Variants in MAL2 observed in about 807,000 individuals in gnomAD.
MAL2 encodes the protein protein MAL2.
A neutral mutation model predicts 18.1 loss-of-function variants in MAL2; 17 were observed. That is an observed-to-expected ratio of 0.94 (90% CI 0.64 to 1.41). The LOEUF is 1.41. Ranked by LOEUF, MAL2 falls within the 40% of genes most tolerant of loss-of-function variation. The pLI is 0.00. For missense variants in MAL2, 222 were observed against 231.9 expected, an observed-to-expected ratio of 0.96 and a Z score of 0.28; for synonymous variants, 102 against 102.3, an observed-to-expected ratio of 1.00 and a Z score of 0.02.
At chr8:119,242,920 G>C (rs1205365052) in intron 3 of MAL2, among the ~76,000 whole-genome samples, 1 of 152,196 alleles carries the variant, frequency 6.6e-6, no homozygotes, top group Non-Finnish European at 1.5e-5. Flanking sequence ...ACACAGGACT[G>C]TCTCCCATAC....
intron 2 of MAL2, among the ~76,000 whole-genome samples, chr8:119,224,972 A>C (rs1478456419): frequency 6.6e-6 from 1 of 152,090 alleles, no homozygotes; most frequent in African/African-American, 2.4e-5. Context: ...ATTTTTACAA[A>C]TGAGAAAACT....
chr8:119,232,220 C>T (rs925881416), intron 2 of MAL2, among the ~76,000 whole-genome samples: 10 of 150,522 alleles, frequency 6.6e-5, no homozygotes, highest in African/African-American at 2.5e-4. Context: ...GTATTTTTCT[C>T]AATTAAAATA....
In MAL2 at chr8:119,244,730, CAGACAAA is replaced by C. The variant is rs1169000355; in HGVS notation, c.*1244_*1250del. On this transcript the variant is annotated 3_prime_UTR_variant, in exon 4 of 4. Transcript: ENST00000614891. The stretch of plus-strand genomic sequence containing the variant: ...ATCTGTAATGTTTTTGCACTGGTGA[CAGACAAA>C]ATCTGTTTTAAAATCATATCCAGCA... 2.0e-5 allele frequency: 3 copies of C among 152,168 alleles called. No homozygotes were observed. Among genetic ancestry groups the C allele is most frequent in the Non-Finnish European group, 4.4e-5 (3 of 68,032 alleles). The allele number at this position is 152,168 out of a possible 1,614,324, so 9.4% of individuals were successfully genotyped here. A position where few individuals can be genotyped will look rare whatever the true frequency, so the allele number is the denominator to read the frequency against.
Position 119,243,734 on chromosome 8 carries a change from T to G in MAL2, c.*246T>G. The G allele has an allele frequency of 2.9e-6, 1 of 343,906 alleles. No individual in the cohort carries two copies. Among genetic ancestry groups the G allele is most frequent in the East Asian group, 4.4e-5 (1 of 22,762 alleles). The allele number at this position is 343,906 out of a possible 1,614,324, so 21.3% of individuals were successfully genotyped here. ...TCCCTTTCCCCCTTTATTTTCCTCC[T>G]TTTCTTTCTGAAAGTTTCCTTTTAT... On this transcript the variant is annotated 3_prime_UTR_variant, in exon 4 of 4. Transcript: ENST00000614891.
At chr8:119,210,357 G>T (rs766918612) in intron 1 of MAL2, among the ~76,000 whole-genome samples, 1 of 152,006 alleles carries the variant, frequency 6.6e-6, no homozygotes, top group Non-Finnish European at 1.5e-5. Flanking sequence ...AGGAAACAAG[G>T]CCTAATTCTG....
chr8:119,223,541 G>A (rs1563771520), intron 2 of MAL2, among the ~76,000 whole-genome samples: 1 of 151,874 alleles, frequency 6.6e-6, no homozygotes, highest in Non-Finnish European at 1.5e-5. Context: ...TGTTTTAATT[G>A]TGCTACTCTA....
Position 119,243,481 on chromosome 8 carries a change from G to A in MAL2, c.524G>A (p.Arg175Gln), listed in dbSNP as rs773576528. The A allele has an allele frequency of 1.9e-5, 30 of 1,596,542 alleles. No homozygotes were observed. In the Admixed American group the frequency reaches 2.4e-4, roughly 13 times the overall value. ...CSLGLALRRW[R>Q]P is the part of the protein sequence containing the mutation. ...TTGGGTCTGGCTTTACGAAGATGGC[G>A]ACCGTAACACTCCTTAGAAACTGGC... is the stretch of plus-strand genomic sequence containing the variant. The change falls in exon 4 of 4, where the codon CGA becomes CAA. Residue 175 changes from arginine (R) to glutamine (Q), a missense_variant. Physicochemically the swap from Arg to Gln is conservative, Grantham distance 43 (BLOSUM62 1). Transcript: ENST00000614891.
At chr8:119,229,579 T>G (rs1173901195) in intron 2 of MAL2, among the ~76,000 whole-genome samples, 1 of 152,152 alleles carries the variant, frequency 6.6e-6, no homozygotes, top group Non-Finnish European at 1.5e-5. Flanking sequence ...CCCAAAGTGC[T>G]GGGATTACAG....
chr8:119,242,585 A>G (rs1818068111), intron 3 of MAL2, among the ~76,000 whole-genome samples: 1 of 152,222 alleles, frequency 6.6e-6, no homozygotes, highest in Non-Finnish European at 1.5e-5. Flanking sequence ...TGTCTAGATT[A>G]GAAATGTATC....
At chr8:119,234,349 G>A (rs971456632) in intron 2 of MAL2, among the ~76,000 whole-genome samples, 5 of 152,170 alleles carry the variant, frequency 3.3e-5, no homozygotes, top group African/African-American at 9.7e-5. Flanking sequence ...AGCAGTCTGA[G>A]ATCAAACTGC....
intron 2 of MAL2, among the ~76,000 whole-genome samples, chr8:119,231,021 AGTTT>A (rs1414881059): frequency 4.1e-5 from 6 of 145,650 alleles, no homozygotes; most frequent in Admixed American, 2.0e-4. Flanking sequence ...ATGTGAGAAC[AGTTT>A]TTTTTTTTAT....
At chr8:119,233,415 T>C (rs1033387105) in intron 2 of MAL2, among the ~76,000 whole-genome samples, 4 of 151,944 alleles carry the variant, frequency 2.6e-5, no homozygotes, top group Non-Finnish European at 4.4e-5. Context: ...ATCAACAAAA[T>C]TGATAGACTG....
In MAL2 at chr8:119,216,099, G is replaced by A. The variant is rs190557911; in HGVS notation, c.133-5488G>A. Among the ~76,000 whole-genome samples the A allele has an allele frequency of 9.8e-4, 149 of 152,042 alleles. 1 individual carries two copies. Among genetic ancestry groups the A allele is most frequent in the Non-Finnish European group, 1.6e-3 (109 of 67,996 alleles). ...CCATAAGTAAACATCCATTAAAATA[G>A]AAGGGGTTACAAGTAGATAAAGTGT... On this transcript the variant is annotated intron_variant, in intron 1 of 3. Transcript: ENST00000614891.
intron 3 of MAL2, among the ~76,000 whole-genome samples, chr8:119,241,136 A>C (rs1393732981): frequency 6.6e-6 from 1 of 152,216 alleles, no homozygotes; most frequent in Non-Finnish European, 1.5e-5. Flanking sequence ...TGTCTGGAGC[A>C]GCACTGTCTA....
chr8:119,216,725 C>A (rs940280337), intron 1 of MAL2, among the ~76,000 whole-genome samples: 1 of 152,162 alleles, frequency 6.6e-6, no homozygotes, highest in African/African-American at 2.4e-5. Context: ...ACGGAAAGTT[C>A]TAAATAGTGT....
rs1450117673 is a variant in MAL2, at chr8:119,243,578, A to G, written c.*90A>G. 3.0e-5 allele frequency: 34 copies of G among 1,151,268 alleles called. No homozygotes were observed. The highest frequency in any genetic ancestry group is 3.7e-5 in the Non-Finnish European group (31 of 833,570). The allele number at this position is 1,151,268 out of a possible 1,614,324, so 71.3% of individuals were successfully genotyped here. On this transcript the variant is annotated 3_prime_UTR_variant, in exon 4 of 4. Coordinates refer to ENST00000614891, the MANE Select transcript of MAL2 (RefSeq NM_052886.3). ...TGGATACCATTTTGTCCAGATGCAAAAACATTCCAAAAGTAATGTGTTTAG... is the reference window on the plus strand; with the variant it reads ...TGGATACCATTTTGTCCAGATGCAAGAACATTCCAAAAGTAATGTGTTTAG...
At chr8:119,210,401 C>T (rs962661247) in intron 1 of MAL2, among the ~76,000 whole-genome samples, 9 of 151,996 alleles carry the variant, frequency 5.9e-5, no homozygotes, top group Non-Finnish European at 1.2e-4. Flanking sequence ...TAGTCAATTT[C>T]CCCCTCCCCC....
At chr8:119,237,129 A>G (rs1817922412) in intron 2 of MAL2, among the ~76,000 whole-genome samples, 1 of 152,220 alleles carries the variant, frequency 6.6e-6, no homozygotes, top group Non-Finnish European at 1.5e-5. Flanking sequence ...CCACAGAAAT[A>G]CAAACTGCCA....
intron 1 of MAL2, 165 bp from the exon 2 acceptor site, chr8:119,221,422 C>A: frequency 2.7e-6 from 2 of 738,004 alleles, no homozygotes; most frequent in Non-Finnish European, 4.5e-6. Flanking sequence ...GGAAAGAAGG[C>A]ATCTTACATA....
Sources: allele counts gnomAD v4.1 joint callset (sites outside exome capture counted in the v4.1 genomes callset), GRCh38; gene constraint gnomAD v4.1.1; transcripts MANE v1.5; gene names NCBI Gene and HGNC (gene_info 2026-07-23, HGNC 2026-07-21).